The following GRIA1 variants were observed in gnomAD, a reference collection of about 807,000 sequenced individuals.
The protein encoded by GRIA1 is glutamate receptor 1.
Under a neutral mutation model 99.2 loss-of-function variants are expected in GRIA1, and 31 were observed. The observed-to-expected ratio is 0.31, with a 90% confidence interval of 0.23 to 0.42. The LOEUF is 0.42. Ranked by LOEUF, GRIA1 falls within the 10% of genes least tolerant of loss-of-function variation. The pLI is 1.00. For synonymous variants in GRIA1, 438 were observed against 432.4 expected (o/e 1.01, Z -0.16); for missense variants, 782 against 1,157.5 (o/e 0.68, Z 4.71).
At chr5:153,491,386 C>A in intron 1 of GRIA1, 1 of 750,248 alleles carries the variant, frequency 1.3e-6, no homozygotes, top group Non-Finnish European at 1.7e-6. Flanking sequence ...ATTACATATG[C>A]ACATATATAT....
rs114669750 is a variant in GRIA1, at chr5:153,719,156, T to C, written c.1823+13089T>C. On this transcript the variant is annotated intron_variant, in intron 11 of 15. Transcript: ENST00000285900. ...GCAGGAATTGTAAATATGCAGGGCT[T>C]TCTCAACAGAGCAGCTAAGAGCGTG... 6.7e-3 allele frequency among the ~76,000 whole-genome samples: 1,015 copies of C among 152,310 alleles called. 15 individuals are homozygous for C. Among genetic ancestry groups the C allele is most frequent in the African/African-American group, 0.023 (964 of 41,558 alleles).
intron 11 of GRIA1, among the ~76,000 whole-genome samples, chr5:153,742,036 A>G (rs1177602913): frequency 6.6e-6 from 1 of 152,154 alleles, no homozygotes; most frequent in Non-Finnish European, 1.5e-5. Context: ...ATATCACAGC[A>G]TACAGAATTT....
At chr5:153,700,234 A>T (rs1758419797) in intron 10 of GRIA1, among the ~76,000 whole-genome samples, 1 of 152,004 alleles carries the variant, frequency 6.6e-6, no homozygotes, top group African/African-American at 2.4e-5. Flanking sequence ...AAAATACAAA[A>T]ATTAGCTGCA....
chr5:153,689,969 AC>A (rs1353666181), intron 8 of GRIA1, among the ~76,000 whole-genome samples: 2 of 152,144 alleles, frequency 1.3e-5, no homozygotes, highest in Admixed American at 6.6e-5. Flanking sequence ...TCTCTTCAAG[AC>A]TTGCTCTTCA....
In GRIA1 at chr5:153,811,171, G is replaced by A. The variant is rs762399627; in HGVS notation, c.2667G>A (p.Ser889=). 125 of 1,613,860 alleles carry A rather than the reference G, an allele frequency of 7.7e-5. No individual in the cohort carries two copies. The highest frequency in any genetic ancestry group is 1.0e-4 in the Non-Finnish European group (120 of 1,179,932). ...VSHDFPKSMQ[S]IPCMSHSSGM... is the part of the protein sequence containing the mutation. ...ATGACTTCCCCAAGTCCATGCAATC[G>A]ATTCCTTGCATGAGCCACAGTTCAG... The change falls in exon 16 of 16, where the codon TCG becomes TCA. Residue 889 remains serine, a synonymous_variant. Transcript: ENST00000285900.
intron 15 of GRIA1, among the ~76,000 whole-genome samples, chr5:153,803,375 G>A (rs1204977676): frequency 1.3e-5 from 2 of 152,198 alleles, no homozygotes; most frequent in East Asian, 1.9e-4. Context: ...GAAATTATTT[G>A]TGGAAGTTAA....
Position 153,646,911 on chromosome 5 carries a change from C to T in GRIA1, c.221-17C>T, listed in dbSNP as rs768579270. The T allele has an allele frequency of 6.2e-7, 1 of 1,612,264 alleles. No homozygotes were observed. Among genetic ancestry groups the T allele is most frequent in the East Asian group, 2.2e-5 (1 of 44,838 alleles). ...TTTTGCAGTCTTCTATTCATTAATC[C>T]TTCTCTTCTCTTGTAGTCTGTTCCC... is the stretch of plus-strand genomic sequence containing the variant. On this transcript the variant is annotated splice_polypyrimidine_tract_variant and intron_variant, in intron 2 of 15. Transcript: ENST00000285900.
intron 9 of GRIA1, 96 bp downstream of exon 9, chr5:153,698,250 CA>C: frequency 3.1e-6 from 2 of 635,426 alleles, no homozygotes; most frequent in Non-Finnish European, 5.6e-6. Context: ...TTCTTCTTGC[CA>C]AAACTGTGTA....
chr5:153,718,404 G>T (rs752936629), intron 11 of GRIA1, among the ~76,000 whole-genome samples: 39 of 152,076 alleles, frequency 2.6e-4, no homozygotes, highest in Admixed American at 7.2e-4. Flanking sequence ...AAGACAAAGG[G>T]GTCGGCGGGG....
intron 5 of GRIA1, 133 bp from the exon 6 acceptor site, chr5:153,674,367 G>T: frequency 1.1e-6 from 1 of 934,514 alleles, no homozygotes; most frequent in Non-Finnish European, 1.7e-6. Flanking sequence ...CAAAGGAAAG[G>T]AGGCCTAACT....
intron 2 of GRIA1, among the ~76,000 whole-genome samples, chr5:153,613,489 G>A (rs1766186417): frequency 6.6e-6 from 1 of 152,168 alleles, no homozygotes; most frequent in African/African-American, 2.4e-5. Flanking sequence ...TATCTGAGTT[G>A]AATATTCAAC....
chr5:153,718,279 T>C (rs2149536132), intron 11 of GRIA1, among the ~76,000 whole-genome samples: 1 of 152,140 alleles, frequency 6.6e-6, no homozygotes, highest in East Asian at 1.9e-4. Flanking sequence ...AGTCAATAGG[T>C]AAAGAAGAGA....
intron 11 of GRIA1, among the ~76,000 whole-genome samples, chr5:153,751,031 C>T (rs1258322101): frequency 6.6e-6 from 1 of 152,046 alleles, no homozygotes; most frequent in African/African-American, 2.4e-5. Flanking sequence ...GCCTGGGAGG[C>T]AGAGGTTGCA....
In GRIA1 at chr5:153,563,282, G is replaced by A. The variant is rs1008640801; in HGVS notation, c.220+69217G>A. ...TCACTGAGACAGTATTTGGTTTTGTGCCCTCTGAGAGTTATTTTCCAGCCC... is the reference window on the plus strand; with the variant it reads ...TCACTGAGACAGTATTTGGTTTTGTACCCTCTGAGAGTTATTTTCCAGCCC... On this transcript the variant is annotated intron_variant, in intron 2 of 15. Transcript: ENST00000285900. 3.3e-5 allele frequency among the ~76,000 whole-genome samples: 5 copies of A among 152,020 alleles called. No homozygotes were observed. In the South Asian group the frequency reaches 6.2e-4, roughly 19 times the overall value.
intron 11 of GRIA1, among the ~76,000 whole-genome samples, chr5:153,725,548 G>A (rs1390407091): frequency 9.5e-6 from 1 of 104,812 alleles, no homozygotes; most frequent in Non-Finnish European, 1.9e-5. Context: ...GATGGAGGAA[G>A]ATCTACCAAG....
Position 153,578,341 on chromosome 5 carries a change from A to G in GRIA1, c.221-68587A>G, listed in dbSNP as rs1161260114. On this transcript the variant is annotated intron_variant, in intron 2 of 15. Transcript: ENST00000285900. ...ATTTAAGCCTAGATTTCAATGCTGG[A>G]TGGTATTCATGCTACAAAACAATTT... Among the ~76,000 whole-genome samples, 4 of 152,224 alleles carry G rather than the reference A, an allele frequency of 2.6e-5. No individual in the cohort carries two copies. In the East Asian group the frequency reaches 7.7e-4, roughly 29 times the overall value.
At position 153,518,059 on chromosome 5, in the gene GRIA1, C is replaced by T. The variant is rs186223456; in HGVS notation, c.220+23994C>T. On this transcript the variant is annotated intron_variant, in intron 2 of 15. Coordinates refer to ENST00000285900, the MANE Select transcript of GRIA1 (RefSeq NM_000827.4). The stretch of plus-strand genomic sequence containing the variant: ...TGGCTGTTCCCTTTGCCTGGGATGC[C>T]GTTAAATCTCATCATGGCTGGCTCT... Among the ~76,000 whole-genome samples, 11 of 152,268 alleles carry T rather than the reference C, an allele frequency of 7.2e-5. No homozygotes were observed. The South Asian group carries it at 8.3e-4, about 11-fold the overall frequency.
chr5:153,567,091 CT>C (rs547314599), intron 2 of GRIA1, among the ~76,000 whole-genome samples: 2 of 152,212 alleles, frequency 1.3e-5, no homozygotes, highest in African/African-American at 4.8e-5. Flanking sequence ...AGTTTTAGAT[CT>C]TTTTTGTTGT....
intron 11 of GRIA1, among the ~76,000 whole-genome samples, chr5:153,747,999 A>G (rs1293512429): frequency 6.6e-6 from 1 of 152,230 alleles, no homozygotes; most frequent in Non-Finnish European, 1.5e-5. Flanking sequence ...CTGAGCACCT[A>G]TTGTGTGCCA....
Sources: gnomAD v4.1 joint callset for allele counts (sites outside exome capture counted in the v4.1 genomes callset) on GRCh38, gnomAD v4.1.1 for gene constraint, MANE v1.5 for transcripts, NCBI Gene and HGNC (gene_info 2026-07-23, HGNC 2026-07-21) for gene names.